UBAC2: variants seen among roughly 807,000 people sequenced by gnomAD.
UBAC2 encodes UBA domain containing 2.
Under a neutral mutation model 44.0 loss-of-function variants are expected in UBAC2, and 26 were observed. The observed-to-expected ratio is 0.59, with a 90% confidence interval of 0.43 to 0.82. The LOEUF is 0.82. UBAC2 is among the 40% of genes least tolerant of loss of function. UBAC2 has a pLI of 0.00. For synonymous variants in UBAC2, 155 were observed against 154.3 expected (o/e 1.00, Z -0.04); for missense variants, 329 against 419.4 (o/e 0.78, Z 1.88).
chr13:99,273,003 T>C (rs907809569), intron 4 of UBAC2, among the ~76,000 whole-genome samples: 2 of 141,168 alleles, frequency 1.4e-5, no homozygotes, highest in Non-Finnish European at 3.1e-5. Context: ...CAGGTTACTC[T>C]TTTTTTTTTT....
At chr13:99,263,370 G>A (rs2043695780) in intron 4 of UBAC2, among the ~76,000 whole-genome samples, 1 of 152,188 alleles carries the variant, frequency 6.6e-6, no homozygotes, top group South Asian at 2.1e-4. Context: ...ACTTAAGAAT[G>A]AGTAGATCCA....
chr13:99,201,422 T>C lies in UBAC2; in HGVS notation c.31+483T>C, dbSNP rs1250068977. The C allele has an allele frequency of 3.7e-6, 6 of 1,612,748 alleles. No individual in the cohort carries two copies. The East Asian group carries it at 1.1e-4, about 30-fold the overall frequency. On this transcript the variant is annotated intron_variant, in intron 1 of 8. Coordinates refer to ENST00000403766, the MANE Select transcript of UBAC2 (RefSeq NM_001144072.2). ...CTCAGTTTCACTTGGATGTGTTTCT[T>C]CTTCAGTCTCCAAGAAGAGTTTTTA...
chr13:99,253,058 TTA>T (rs1475162401), intron 4 of UBAC2, among the ~76,000 whole-genome samples: 2 of 150,826 alleles, frequency 1.3e-5, no homozygotes, highest in Admixed American at 6.6e-5. Context: ...TTAGAAATAA[TTA>T]TATGTTAAAT....
chr13:99,298,449 A>G (rs1022417499), intron 4 of UBAC2, among the ~76,000 whole-genome samples: 2 of 152,218 alleles, frequency 1.3e-5, no homozygotes. Flanking sequence ...TTAGAACTAA[A>G]TGATGAAAGT....
At chr13:99,250,827 G>T (rs112494789) in intron 4 of UBAC2, among the ~76,000 whole-genome samples, 1,623 of 151,938 alleles carry the variant, frequency 0.011, 31 homozygotes, top group African/African-American at 0.038. Context: ...GCTCACTGCA[G>T]CCTCCGCCTC....
chr13:99,228,107 A>C (rs543719489), intron 1 of UBAC2, among the ~76,000 whole-genome samples: 1 of 152,134 alleles, frequency 6.6e-6, no homozygotes, highest in African/African-American at 2.4e-5. Flanking sequence ...GACGGGGCCC[A>C]TTGCACAAGG....
intron 4 of UBAC2, among the ~76,000 whole-genome samples, chr13:99,269,033 T>C (rs1364683190): frequency 6.6e-6 from 1 of 152,164 alleles, no homozygotes; most frequent in African/African-American, 2.4e-5. Context: ...CTACGGGATA[T>C]AGCTTTGGGC....
At chr13:99,263,615 C>G (rs1279017448) in intron 4 of UBAC2, among the ~76,000 whole-genome samples, 1 of 152,188 alleles carries the variant, frequency 6.6e-6, no homozygotes, top group African/African-American at 2.4e-5. Flanking sequence ...TACCAACACT[C>G]CATGACTCAG....
At chr13:99,215,648 C>G (rs1303162513) in intron 1 of UBAC2, 2 of 1,369,828 alleles carry the variant, frequency 1.5e-6, no homozygotes, top group Non-Finnish European at 2.0e-6. Context: ...TCCTAGATTT[C>G]AGGTGTTGAT....
intron 1 of UBAC2, chr13:99,205,902 C>G (rs112488929): frequency 0.022 from 3,432 of 156,048 alleles, 145 homozygotes; most frequent in African/African-American, 0.078. Flanking sequence ...CAAGGGTATA[C>G]GAGTAGCTGC....
chr13:99,296,822 A>T (rs573130725), intron 4 of UBAC2, among the ~76,000 whole-genome samples: 1 of 152,326 alleles, frequency 6.6e-6, no homozygotes, highest in African/African-American at 2.4e-5. Context: ...AAGATAAAGA[A>T]AATGAGAGAG....
intron 8 of UBAC2, among the ~76,000 whole-genome samples, chr13:99,372,868 A>T (rs2045426560): frequency 6.6e-6 from 1 of 152,186 alleles, no homozygotes; most frequent in South Asian, 2.1e-4. Context: ...TGATCCCAGC[A>T]CTTTGGGAGG....
chr13:99,322,859 GA>G, intron 6 of UBAC2, among the ~76,000 whole-genome samples: 1 of 152,182 alleles, frequency 6.6e-6, no homozygotes, highest in Non-Finnish European at 1.5e-5. Flanking sequence ...TAGGGAAAAT[GA>G]GCCATCTGGA....
At chr13:99,259,277 A>G (rs1296027367) in intron 4 of UBAC2, among the ~76,000 whole-genome samples, 2 of 151,400 alleles carry the variant, frequency 1.3e-5, no homozygotes, top group Non-Finnish European at 2.9e-5. Context: ...TGGTTTGTCA[A>G]CTTTTTAAAG....
intron 1 of UBAC2, among the ~76,000 whole-genome samples, chr13:99,210,980 T>C (rs2042931657): frequency 6.6e-6 from 1 of 152,186 alleles, no homozygotes; most frequent in East Asian, 1.9e-4. Flanking sequence ...TCCCCTCCTT[T>C]ATTTTAGTAA....
chr13:99,220,568 T>G (rs2043042420), intron 1 of UBAC2, among the ~76,000 whole-genome samples: 1 of 152,238 alleles, frequency 6.6e-6, no homozygotes, highest in Non-Finnish European at 1.5e-5. Context: ...ATTTTTATAT[T>G]ATCTTTGCCA....
At chr13:99,307,166 A>G (rs972279581) in intron 4 of UBAC2, among the ~76,000 whole-genome samples, 1 of 152,190 alleles carries the variant, frequency 6.6e-6, no homozygotes, top group African/African-American at 2.4e-5. Flanking sequence ...AACTAACTAG[A>G]CCTACCAGTC....
intron 4 of UBAC2, among the ~76,000 whole-genome samples, chr13:99,285,659 T>C (rs774259880): frequency 4.6e-5 from 7 of 152,176 alleles, no homozygotes; most frequent in Non-Finnish European, 7.4e-5. Context: ...CCCAGAGTGT[T>C]GGGATTATAG....
At chr13:99,252,766 CTT>C (rs1048390438) in intron 4 of UBAC2, among the ~76,000 whole-genome samples, 2 of 152,052 alleles carry the variant, frequency 1.3e-5, no homozygotes, top group African/African-American at 2.4e-5. Context: ...TAAAAAATAA[CTT>C]TTAAGTGATC....
Sources: gnomAD v4.1 joint callset for allele counts (sites outside exome capture counted in the v4.1 genomes callset) on GRCh38, gnomAD v4.1.1 for gene constraint, MANE v1.5 for transcripts, NCBI Gene and HGNC (gene_info 2026-07-23, HGNC 2026-07-21) for gene names.